The following MPZL3 variants were observed in gnomAD, a reference collection of about 807,000 sequenced individuals.
MPZL3 encodes the protein myelin protein zero like 3, also known as myelin protein zero-like protein 3.
MPZL3 carries 23 observed loss-of-function variants against 24.8 expected under a neutral mutation model. The observed-to-expected ratio is 0.93, with a 90% CI of 0.67 to 1.31. The LOEUF (loss-of-function observed/expected upper bound fraction) is 1.31. MPZL3 is among the 40% of genes most tolerant of loss of function. MPZL3 has a pLI of 0.00. For missense variants in MPZL3, 277 were observed against 294.9 expected (o/e 0.94, Z 0.44); for synonymous variants, 99 against 106.5 (o/e 0.93, Z 0.44).
chr11:118,240,586 A>C (rs1357096846), intron 1 of MPZL3, among the ~76,000 whole-genome samples: 2 of 152,212 alleles, frequency 1.3e-5, no homozygotes, highest in Non-Finnish European at 1.5e-5. Context: ...ATCTTAAATC[A>C]CAACTGAATG....
chr11:118,240,947 T>C (rs143299677), intron 1 of MPZL3, among the ~76,000 whole-genome samples: 4 of 152,314 alleles, frequency 2.6e-5, no homozygotes, highest in African/African-American at 4.8e-5. Context: ...CAAGGTACTA[T>C]CTAGTTTTTC....
At chr11:118,235,293 T>C in intron 4 of MPZL3, 131 bp downstream of exon 4, 1 of 1,151,278 alleles carries the variant, frequency 8.7e-7, no homozygotes, top group South Asian at 1.6e-5. Flanking sequence ...AGCAGAACTA[T>C]TCTCTTTGAA....
rs989621088 is a variant in MPZL3 at position 118,229,753 on chromosome 11, T to C, written c.*141A>G. On this transcript the variant is annotated 3_prime_UTR_variant, in exon 6 of 6. Coordinates refer to ENST00000278949, the MANE Select transcript of MPZL3 (RefSeq NM_198275.3). ...ATTTATTCAATAAATAAGTGGTTCCTAAAGTCTTTACTGATGATCTCCAGG... is the reference window on the plus strand; with the variant it reads ...ATTTATTCAATAAATAAGTGGTTCCCAAAGTCTTTACTGATGATCTCCAGG... The C allele has an allele frequency of 4.4e-6, 3 of 683,648 alleles. No homozygotes were observed. Among genetic ancestry groups the C allele is most frequent in the Middle Eastern group, 2.8e-4 (1 of 3,562 alleles). The allele number at this position is 683,648 out of a possible 1,614,324, so 42.3% of individuals were successfully genotyped here. A position where few individuals can be genotyped will look rare whatever the true frequency, so the allele number is the denominator to read the frequency against.
Position 118,229,842 on chromosome 11 carries a change from A to C in MPZL3, c.*52T>G. On this transcript the variant is annotated 3_prime_UTR_variant, in exon 6 of 6. Coordinates refer to ENST00000278949, the MANE Select transcript of MPZL3 (RefSeq NM_198275.3). ...CTGACAGGCTTTAGCTGCCAGTGGA[A>C]TGGGATGTTTCCTGTCTTTAGGTGA... 1 of 1,591,606 alleles carries C rather than the reference A, an allele frequency of 6.3e-7. No individual in the cohort carries two copies. The highest frequency in any genetic ancestry group is 1.3e-5 in the African/African-American group (1 of 74,502).
At position 118,237,180 on chromosome 11, in the gene MPZL3, GT is replaced by G. The variant is rs1565493129; in HGVS notation, c.320del (p.Tyr107SerfsTer7). On this transcript the variant is annotated frameshift_variant, in exon 3 of 6. Transcript: ENST00000278949. The part of the protein sequence containing the change: ...RDRISWVGNV[Y>X]KGDASISISN... Reference sequence around the variant, plus strand: ...TTATACTTATAGATGCATCCCCTTTGTATACATTTCCAACCCAGGAAATCCG... The same window carrying G: ...TTATACTTATAGATGCATCCCCTTTGATACATTTCCAACCCAGGAAATCCG... The G allele has an allele frequency of 6.2e-7, 1 of 1,614,074 alleles. No homozygotes were observed. Among genetic ancestry groups the G allele is most frequent in the Admixed American group, 1.7e-5 (1 of 60,012 alleles).
chr11:118,237,026 G>A, intron 3 of MPZL3, 24 bp downstream of exon 3: 4 of 1,603,388 alleles, frequency 2.5e-6, no homozygotes, highest in Non-Finnish European at 3.4e-6. Context: ...CACTGCAGAA[G>A]AAGGTTGGTG....
In MPZL3 at chr11:118,227,419, C is replaced by T. The variant is rs561480722; in HGVS notation, c.*2475G>A. ...AACAAAAAAAGACCACTTTATCTTCCTTTCATCCTTAAAGAAGGCAGGTGT... is the reference window on the plus strand; with the variant it reads ...AACAAAAAAAGACCACTTTATCTTCTTTTCATCCTTAAAGAAGGCAGGTGT... On this transcript the variant is annotated 3_prime_UTR_variant, in exon 6 of 6. Transcript: ENST00000278949. 1 of 152,214 alleles carries T rather than the reference C, an allele frequency of 6.6e-6. No homozygotes were observed. The highest frequency in any genetic ancestry group is 1.5e-5 in the Non-Finnish European group (1 of 68,048). 9.4% of individuals were successfully genotyped at this position (152,214 alleles called of 1,614,324 possible).
chr11:118,230,433 G>T lies in MPZL3; in HGVS notation c.682-513C>A, dbSNP rs544540652. Among the ~76,000 whole-genome samples, 32 of 152,254 alleles carry T rather than the reference G, an allele frequency of 2.1e-4. No homozygotes were observed. In the South Asian group the frequency reaches 6.6e-3, roughly 32 times the overall value. On this transcript the variant is annotated intron_variant, in intron 5 of 5. Transcript: ENST00000278949. The stretch of plus-strand genomic sequence containing the variant: ...AATACACCTCATAGAACTGTTATGA[G>T]AATTGAATGAGGCAATATATGTAAA...
intron 1 of MPZL3, among the ~76,000 whole-genome samples, chr11:118,251,326 T>G (rs906821666): frequency 6.6e-6 from 1 of 152,072 alleles, no homozygotes; most frequent in Non-Finnish European, 1.5e-5. Flanking sequence ...ATCTGAAGTC[T>G]TTATATTAAA....
chr11:118,249,552 C>T (rs58407072), intron 1 of MPZL3, among the ~76,000 whole-genome samples: 3,323 of 152,002 alleles, frequency 0.022, 117 homozygotes, highest in African/African-American at 0.076. Context: ...TTAACAAAAA[C>T]TTTTTAGTCT....
chr11:118,235,427 T>C lies in MPZL3; in HGVS notation c.614A>G (p.Asp205Gly), dbSNP rs774726505. 1 of 1,613,498 alleles carries C rather than the reference T, an allele frequency of 6.2e-7. No individual in the cohort carries two copies. Among genetic ancestry groups the C allele is most frequent in the Non-Finnish European group, 8.5e-7 (1 of 1,179,724 alleles). Residue 205 changes from aspartate (D) to glycine (G), a missense_variant, in exon 4 of 6, where the codon GAT becomes GGT. By Grantham distance (94) the Asp-to-Gly change is moderately conservative. Transcript: ENST00000278949. ...CCAGGGCTCCTGCTGGACTTACTCA[T>C]CGGAAACCTCAATAGATGACTTCTT... ...GYKKSSIEVS[D>G]DTDQEEEEAC...
At chr11:118,247,781 C>T (rs1335642075) in intron 1 of MPZL3, among the ~76,000 whole-genome samples, 1 of 151,918 alleles carries the variant, frequency 6.6e-6, no homozygotes, top group Non-Finnish European at 1.5e-5. Flanking sequence ...GTTTATGCAC[C>T]TCTCTATGTC....
chr11:118,237,038 C>A lies in MPZL3; in HGVS notation c.451+12G>T, dbSNP rs1949434313. On this transcript the variant is annotated intron_variant, in intron 3 of 5. Coordinates refer to ENST00000278949, the MANE Select transcript of MPZL3 (RefSeq NM_198275.3). ...GAGCACTGCAGAAGAAGGTTGGTGG[C>A]AATGAGCTTACCCCTTTCTGTGACT... 1 of 1,611,688 alleles carries A rather than the reference C, an allele frequency of 6.2e-7. No individual in the cohort carries two copies. Among genetic ancestry groups the A allele is most frequent in the East Asian group, 2.2e-5 (1 of 44,842 alleles).
At chr11:118,238,638 GA>G (rs1217648267) in intron 2 of MPZL3, among the ~76,000 whole-genome samples, 1 of 152,188 alleles carries the variant, frequency 6.6e-6, no homozygotes, top group African/African-American at 2.4e-5. Context: ...CAACTTCCCA[GA>G]AAAGATGCTG....
In MPZL3 at chr11:118,227,401, A is replaced by G. The variant is rs1209494868; in HGVS notation, c.*2493T>C. On this transcript the variant is annotated 3_prime_UTR_variant, in exon 6 of 6. Transcript: ENST00000278949. ...AGGTGAAACAAATAAGTAAACAAAAAAAGACCACTTTATCTTCCTTTCATC... is the reference window on the plus strand; with the variant it reads ...AGGTGAAACAAATAAGTAAACAAAAGAAGACCACTTTATCTTCCTTTCATC... 6.6e-6 allele frequency: 1 copy of G among 152,224 alleles called. No individual in the cohort carries two copies. Among genetic ancestry groups the G allele is most frequent in the African/African-American group, 2.4e-5 (1 of 41,446 alleles). 9.4% of individuals were successfully genotyped at this position (152,224 alleles called of 1,614,324 possible). A position where few individuals can be genotyped will look rare whatever the true frequency, so the allele number is the denominator to read the frequency against.
intron 1 of MPZL3, among the ~76,000 whole-genome samples, chr11:118,247,652 T>G (rs1949570864): frequency 6.6e-6 from 1 of 152,150 alleles, no homozygotes; most frequent in East Asian, 1.9e-4. Flanking sequence ...TTTTTTGTTT[T>G]TTTTGAGATG....
intron 1 of MPZL3, among the ~76,000 whole-genome samples, chr11:118,249,243 T>G (rs1949592177): frequency 6.6e-6 from 1 of 152,168 alleles, no homozygotes; most frequent in Non-Finnish European, 1.5e-5. Flanking sequence ...CAAGGAACAT[T>G]TTATATATCC....
intron 1 of MPZL3, among the ~76,000 whole-genome samples, chr11:118,250,870 C>T (rs1949613082): frequency 1.3e-5 from 2 of 152,282 alleles, no homozygotes; most frequent in South Asian, 4.1e-4. Context: ...CAGGCAAGAA[C>T]CACCACACCC....
chr11:118,251,109 G>A (rs1003174029), intron 1 of MPZL3, among the ~76,000 whole-genome samples: 3 of 151,328 alleles, frequency 2.0e-5, no homozygotes, highest in African/African-American at 7.3e-5. Context: ...GTGTGTGTGT[G>A]TGTGTGTGTG....
Sources: gnomAD v4.1 joint callset for allele counts (sites outside exome capture counted in the v4.1 genomes callset) on GRCh38, gnomAD v4.1.1 for gene constraint, MANE v1.5 for transcripts, NCBI Gene and HGNC (gene_info 2026-07-23, HGNC 2026-07-21) for gene names.